Variants in RNLS observed in about 807,000 individuals in gnomAD.
The protein encoded by RNLS is renalase.
In RNLS, 39 loss-of-function variants were observed where a neutral mutation model predicts 39.8. The observed-to-expected ratio is 0.98, with a 90% CI of 0.76 to 1.28. The LOEUF (loss-of-function observed/expected upper bound fraction) is 1.28. Among genes scored for constraint, RNLS ranks in the 50% most tolerant of loss-of-function variants. RNLS has a pLI of 0.00. For synonymous variants in RNLS, 147 were observed against 150.7 expected, an observed-to-expected ratio of 0.98 and a Z score of 0.18; for missense variants, 410 against 413.3, an observed-to-expected ratio of 0.99 and a Z score of 0.07.
the RNLS span, among the ~76,000 whole-genome samples, chr10:88,251,167 A>G: frequency 5.9e-5 from 9 of 152,246 alleles, no homozygotes; most frequent in African/African-American, 1.7e-4. Context: ...TGACGGGCAG[A>G]ATGATGCCTC....
At chr10:88,232,719 C>A in the RNLS span, among the ~76,000 whole-genome samples, 1 of 152,236 alleles carries the variant, frequency 6.6e-6, no homozygotes, top group African/African-American at 2.4e-5. Context: ...TGGGGCAGGG[C>A]CCCTAGTGAC....
intron 6 of RNLS, among the ~76,000 whole-genome samples, chr10:88,305,832 ATAGATATC>A (rs1483154870): frequency 2.0e-5 from 3 of 152,236 alleles, no homozygotes; most frequent in Non-Finnish European, 4.4e-5. Context: ...AATGGAGCTG[ATAGATATC>A]TACAGAACTG....
chr10:88,283,596 T>G (rs1373001263), downstream of RNLS, among the ~76,000 whole-genome samples: 1 of 152,148 alleles, frequency 6.6e-6, no homozygotes, highest in Non-Finnish European at 1.5e-5. Context: ...AAAGAAAATG[T>G]GGTACATACA....
At chr10:88,282,478 TACACACACACACACACAC>T (rs60829171), downstream of RNLS, among the ~76,000 whole-genome samples, 205 of 143,028 alleles carry the variant, frequency 1.4e-3, 1 homozygote, top group Middle Eastern at 0.011. Context: ...AAAGTGAAAA[TACACACACACACACACAC>T]ACACACACAC....
At chr10:88,350,632 T>C (rs1043222519) in intron 5 of RNLS, among the ~76,000 whole-genome samples, 74 of 152,218 alleles carry the variant, frequency 4.9e-4, no homozygotes, top group Admixed American at 2.7e-3. Flanking sequence ...AGTCTATCAT[T>C]GTTGGACATT....
chr10:88,181,355 A>G, the RNLS span, among the ~76,000 whole-genome samples: 4 of 152,032 alleles, frequency 2.6e-5, no homozygotes, highest in African/African-American at 9.7e-5. Context: ...TATGGAATGC[A>G]GCTCCCCTGA....
At chr10:88,272,998 G>T (rs572373391), downstream of RNLS, among the ~76,000 whole-genome samples, 38 of 152,218 alleles carry the variant, frequency 2.5e-4, 1 homozygote, top group South Asian at 7.7e-3. Context: ...TCCTCCCTCG[G>T]GTGATGCTGT....
chr10:88,522,042 C>A (rs1419190390), intron 4 of RNLS, among the ~76,000 whole-genome samples: 1 of 152,064 alleles, frequency 6.6e-6, no homozygotes, highest in Non-Finnish European at 1.5e-5. Flanking sequence ...TATACCAGAA[C>A]TCCACTCTAA....
chr10:88,492,421 CTTTT>C (rs35806120), intron 4 of RNLS, among the ~76,000 whole-genome samples: 1 of 131,974 alleles, frequency 7.6e-6, no homozygotes. Context: ...TTTTCTTTTT[CTTTT>C]TTTTTTTTTT....
chr10:88,576,696 C>T (rs1249334793), intron 3 of RNLS, among the ~76,000 whole-genome samples: 1 of 152,054 alleles, frequency 6.6e-6, no homozygotes, highest in African/African-American at 2.4e-5. Context: ...ACTCACTTCC[C>T]CTCTATCAAT....
chr10:88,378,225 T>TAAGA (rs1184465375), intron 4 of RNLS, among the ~76,000 whole-genome samples: 1 of 152,096 alleles, frequency 6.6e-6, no homozygotes, highest in Non-Finnish European at 1.5e-5. Context: ...AAAATAAGTC[T>TAAGA]AAGAAGTACA....
chr10:88,209,829 T>G, the RNLS span, among the ~76,000 whole-genome samples: 2 of 152,226 alleles, frequency 1.3e-5, no homozygotes, highest in South Asian at 4.1e-4. Flanking sequence ...GCAATTTTTA[T>G]GCATTATCTC....
At chr10:88,336,897 T>C (rs1455254210) in intron 5 of RNLS, among the ~76,000 whole-genome samples, 1 of 152,048 alleles carries the variant, frequency 6.6e-6, no homozygotes, top group African/African-American at 2.4e-5. Context: ...GGTGTTGTGT[T>C]AAATCATCAC....
intron 4 of RNLS, among the ~76,000 whole-genome samples, chr10:88,530,565 TTTTAG>T (rs1035265022): frequency 6.6e-6 from 1 of 152,194 alleles, no homozygotes; most frequent in Non-Finnish European, 1.5e-5. Flanking sequence ...TTGTTTAGCA[TTTTAG>T]TTTAATGTTT....
At chr10:88,279,575 C>T (rs1323471740), downstream of RNLS, among the ~76,000 whole-genome samples, 1 of 123,256 alleles carries the variant, frequency 8.1e-6, no homozygotes, top group Admixed American at 7.9e-5. Flanking sequence ...AAAATGAAGG[C>T]CAGGGACAGG....
the RNLS span, among the ~76,000 whole-genome samples, chr10:88,175,195 A>C: frequency 2.0e-5 from 3 of 150,968 alleles, no homozygotes; most frequent in African/African-American, 2.4e-5. Flanking sequence ...TTATTTTTTC[A>C]AAAAAAATGA....
chr10:88,267,694 C>T, the RNLS span, among the ~76,000 whole-genome samples: 2 of 152,160 alleles, frequency 1.3e-5, no homozygotes, highest in East Asian at 3.8e-4. Flanking sequence ...ACAAATTGAG[C>T]ACATCTGAAC....
At chr10:88,433,745 T>A (rs929840230) in intron 4 of RNLS, among the ~76,000 whole-genome samples, 3 of 152,074 alleles carry the variant, frequency 2.0e-5, no homozygotes, top group Non-Finnish European at 2.9e-5. Context: ...GCAGAGGCAA[T>A]GGCATTTACT....
At chr10:88,571,134 C>G (rs1849807553) in intron 4 of RNLS, among the ~76,000 whole-genome samples, 1 of 151,800 alleles carries the variant, frequency 6.6e-6, no homozygotes, top group African/African-American at 2.4e-5. Flanking sequence ...AGGAACATAC[C>G]ACTATGCTTT....
Sources: allele counts gnomAD v4.1 joint callset (sites outside exome capture counted in the v4.1 genomes callset), GRCh38; gene constraint gnomAD v4.1.1; transcripts MANE v1.5; gene names NCBI Gene and HGNC (gene_info 2026-07-23, HGNC 2026-07-21).